DMBT1: variants seen among roughly 807,000 people sequenced by gnomAD.
DMBT1 encodes scavenger receptor cysteine-rich domain-containing protein DMBT1.
DMBT1 carries 198 observed loss-of-function variants against 252.9 expected under a neutral mutation model. The observed-to-expected ratio is 0.78, with a 90% CI of 0.70 to 0.88. The LOEUF is 0.88. Ranked by LOEUF, DMBT1 falls within the 40% of genes least tolerant of loss-of-function variation. DMBT1 has a pLI of 0.00. For synonymous variants in DMBT1, 990 were observed against 942.7 expected, an observed-to-expected ratio of 1.05 and a Z score of -0.92; for missense variants, 2,432 against 2,404.7, an observed-to-expected ratio of 1.01 and a Z score of -0.24.
intron 41 of DMBT1, 144 bp downstream of exon 41, chr10:122,618,484 C>T: frequency 1.4e-6 from 2 of 1,476,310 alleles, no homozygotes; most frequent in Non-Finnish European, 1.8e-6. Context: ...TGCTAAGAAT[C>T]TTTATGAATT....
intron 10 of DMBT1, 60 bp from the exon 11 acceptor site, chr10:122,580,806 C>A: frequency 6.2e-7 from 1 of 1,602,262 alleles, no homozygotes; most frequent in Admixed American, 1.7e-5. Flanking sequence ...CCTCCTCGTT[C>A]CAGTTTTGCC....
intron 52 of DMBT1, 71 bp downstream of exon 52, chr10:122,633,412 T>C (rs1157113854): frequency 1.9e-6 from 3 of 1,560,010 alleles, no homozygotes; most frequent in Non-Finnish European, 2.6e-6. Context: ...GGTGCTTAAG[T>C]GTGCGCCCAG....
In DMBT1 at chr10:122,576,693, A is replaced by G. The variant is rs754101891; in HGVS notation, c.578A>G (p.His193Arg). ...HNGWLSHNCGHGEDAGVICSA... is the reference protein window; with the variant it reads ...HNGWLSHNCGRGEDAGVICSA... ...GGCTGGCTCTCCCATAACTGTGGCC[A>G]TGGTGAAGATGCTGGTGTTATCTGC... The change falls in exon 7 of 56, where the codon CAT (histidine) becomes CGT (arginine). Residue 193 changes from histidine (H) to arginine (R), a missense_variant. His to Arg is a conservative substitution (Grantham distance 29). This residue lies in a region of DMBT1 where 1,264 missense variants were observed against 1,082.2 expected (regional missense o/e 1.17). Transcript: ENST00000338354. 1 of 1,613,778 alleles carries G rather than the reference A, an allele frequency of 6.2e-7. No homozygotes were observed. The highest frequency in any genetic ancestry group is 8.5e-7 in the Non-Finnish European group (1 of 1,179,712).
At chr10:122,629,490 C>T (rs2098142262) in intron 46 of DMBT1, among the ~76,000 whole-genome samples, 1 of 152,118 alleles carries the variant, frequency 6.6e-6, no homozygotes, top group African/African-American at 2.4e-5. Flanking sequence ...TGTGTTCAGC[C>T]AGGACTATCC....
At chr10:122,627,930 A>G (rs995086170) in intron 46 of DMBT1, among the ~76,000 whole-genome samples, 2 of 152,272 alleles carry the variant, frequency 1.3e-5, no homozygotes, top group Non-Finnish European at 1.5e-5. Flanking sequence ...CAGAGAAGGC[A>G]TTGGAAAGAT....
chr10:122,632,939 TC>T, intron 51 of DMBT1, 49 bp downstream of exon 51: 1 of 1,611,790 alleles, frequency 6.2e-7, no homozygotes. Flanking sequence ...GCCTGGAAAT[TC>T]CCCTTCCCAT....
chr10:122,591,101 T>A (rs1375834423), intron 18 of DMBT1, among the ~76,000 whole-genome samples: 1 of 148,674 alleles, frequency 6.7e-6, no homozygotes, highest in Non-Finnish European at 1.5e-5. Context: ...TTGCCTCCAC[T>A]TGCCAGGAGA....
At chr10:122,581,450 C>T (rs2133560827) in intron 11 of DMBT1, among the ~76,000 whole-genome samples, 1 of 149,544 alleles carries the variant, frequency 6.7e-6, no homozygotes, top group Admixed American at 6.6e-5. Context: ...CCCTGGTTCC[C>T]CTAACATTTT....
chr10:122,576,344 T>G, intron 6 of DMBT1, 55 bp from the exon 7 acceptor site: 2 of 1,595,750 alleles, frequency 1.3e-6, no homozygotes, highest in Non-Finnish European at 1.7e-6. Flanking sequence ...CTGCAGGCCC[T>G]GAGACCTTGT....
At chr10:122,573,227 C>A (rs1160162720) in intron 5 of DMBT1, among the ~76,000 whole-genome samples, 1 of 152,224 alleles carries the variant, frequency 6.6e-6, no homozygotes, top group Non-Finnish European at 1.5e-5. Flanking sequence ...CTGGGCTCCC[C>A]AAGGGGGCAT....
At chr10:122,634,688 G>A (rs2098212118) in intron 52 of DMBT1, among the ~76,000 whole-genome samples, 1 of 151,894 alleles carries the variant, frequency 6.6e-6, no homozygotes, top group South Asian at 2.1e-4. Context: ...TTAGAGACGG[G>A]GTTTCACCAT....
rs2097824760 is a variant in DMBT1 at position 122,589,229 on chromosome 10, A to G, written c.2069A>G (p.Asn690Ser). The G allele has an allele frequency of 6.3e-7, 1 of 1,588,488 alleles. No homozygotes were observed. Among genetic ancestry groups the G allele is most frequent in the Non-Finnish European group, 8.6e-7 (1 of 1,165,750 alleles). Residue 690 changes from asparagine to serine, a missense_variant, in exon 17 of 56, where the codon AAC becomes AGC. By Grantham distance (46) the Asn-to-Ser change is conservative. This residue lies in a region of DMBT1 where 1,264 missense variants were observed against 1,082.2 expected (regional missense o/e 1.17). Transcript: ENST00000338354. ...SCPNNGWLSH[N>S]CGHHEDAGVI... ...CCCAACAATGGCTGGCTCTCCCACA[A>G]CTGTGGCCATCATGAAGATGCTGGT...
intron 25 of DMBT1, 49 bp downstream of exon 25, chr10:122,598,061 C>A (rs1241564171): frequency 6.2e-7 from 1 of 1,612,078 alleles, no homozygotes; most frequent in South Asian, 1.1e-5. Context: ...TACCTCTGGA[C>A]AAATGTTTTT....
At chr10:122,597,595 A>G (rs1008461137) in intron 24 of DMBT1, among the ~76,000 whole-genome samples, 2 of 152,206 alleles carry the variant, frequency 1.3e-5, no homozygotes, top group African/African-American at 4.8e-5. Flanking sequence ...TGGTGCCTCC[A>G]CTTACTGGGA....
intron 40 of DMBT1, among the ~76,000 whole-genome samples, 175 bp downstream of exon 40, chr10:122,617,435 A>T (rs537155568): frequency 6.6e-6 from 1 of 151,350 alleles, no homozygotes; most frequent in African/African-American, 2.4e-5. Context: ...TTGAGGATGG[A>T]GGGTGCTGGT....
rs1433622763 is a variant in DMBT1 at position 122,643,678 on chromosome 10, A to C, written c.*280A>C. On this transcript the variant is annotated 3_prime_UTR_variant, in exon 56 of 56. Coordinates refer to ENST00000338354, the MANE Select transcript of DMBT1 (RefSeq NM_001377530.1). ...TCATCTGCAAAATGAAAATGTCAATACTTACTTCTTAGCACTGTTGAGAGG... is the reference window on the plus strand; with the variant it reads ...TCATCTGCAAAATGAAAATGTCAATCCTTACTTCTTAGCACTGTTGAGAGG... 1 of 486,816 alleles carries C rather than the reference A, an allele frequency of 2.1e-6. No homozygotes were observed. The highest frequency in any genetic ancestry group is 3.7e-6 in the Non-Finnish European group (1 of 269,546). The allele number at this position is 486,816 out of a possible 1,614,324, so 30.2% of individuals were successfully genotyped here.
rs1450392641 is a variant in DMBT1 at position 122,579,566 on chromosome 10, G to T, written c.680-12G>T. On this transcript the variant is annotated splice_polypyrimidine_tract_variant and intron_variant, in intron 9 of 55. Transcript: ENST00000338354. ...ATAGGGATGGATGAAGGGTTCTTGT[G>T]TTCCCCTGTAGGATCTGAATCCAGT... 3 of 1,612,760 alleles carry T rather than the reference G, an allele frequency of 1.9e-6. No individual in the cohort carries two copies. Among genetic ancestry groups the T allele is most frequent in the East Asian group, 2.2e-5 (1 of 44,896 alleles).
Position 122,640,122 on chromosome 10 carries a change from G to A in DMBT1, c.7025G>A (p.Arg2342His), listed in dbSNP as rs144244700. The A allele has an allele frequency of 7.7e-4, 1,235 of 1,614,044 alleles. 5 individuals carry two copies. In the African/African-American group the frequency reaches 9.3e-3, roughly 12 times the overall value. Residue 2342 changes from arginine (R) to histidine (H), a missense_variant, in exon 55 of 56, where the codon CGT becomes CAT. Around this residue, in one of 3 missense-constraint regions of DMBT1, gnomAD observed 1,162 missense variants for 1,169.0 expected, o/e 0.99. Transcript: ENST00000338354. Reference protein sequence around the residue: ...GGIIKRRTDLRIHVSCRMLQN... With the variant: ...GGIIKRRTDLHIHVSCRMLQN... ...ATCATCAAGAGGAGGACAGACCTCCGTATTCACGTCAGCTGCAGAATGCTT... is the reference window on the plus strand; with the variant it reads ...ATCATCAAGAGGAGGACAGACCTCCATATTCACGTCAGCTGCAGAATGCTT...
chr10:122,580,627 C>T (rs777358222), intron 10 of DMBT1, among the ~76,000 whole-genome samples: 18 of 152,058 alleles, frequency 1.2e-4, no homozygotes, highest in Non-Finnish European at 1.5e-4. Flanking sequence ...TTAGGTCAAC[C>T]GGGTTACCCT....
Sources: gnomAD v4.1 joint callset for allele counts (sites outside exome capture counted in the v4.1 genomes callset) on GRCh38, gnomAD v4.1.1 for gene constraint, gnomAD v4.1.1 regional missense constraint, MANE v1.5 for transcripts, NCBI Gene and HGNC (gene_info 2026-07-23, HGNC 2026-07-21) for gene names.